PLSCR4: variants seen among roughly 807,000 people sequenced by gnomAD.
The protein encoded by PLSCR4 is Ca(2+)-dependent phospholipid scramblase 4.
A neutral mutation model predicts 36.3 loss-of-function variants in PLSCR4; 25 were observed. The observed-to-expected ratio is 0.69, with a 90% CI of 0.50 to 0.96. The LOEUF (loss-of-function observed/expected upper bound fraction) is 0.96. Ranked by LOEUF, PLSCR4 falls within the 40% of genes least tolerant of loss-of-function variation. PLSCR4 has a pLI of 0.00. For synonymous variants in PLSCR4, 122 were observed against 132.9 expected, an observed-to-expected ratio of 0.92 and a Z score of 0.56; for missense variants, 408 against 414.7, an observed-to-expected ratio of 0.98 and a Z score of 0.14.
rs9815240 is a variant in PLSCR4, at chr3:146,194,390, T to G, written c.*21A>C. On this transcript the variant is annotated 3_prime_UTR_variant, in exon 9 of 9. Transcript: ENST00000354952. ...TTCCATTTTTCAAAATTAACCATAG[T>G]TGATGGCTTGCTGTGTCTCTCTATC... is the stretch of plus-strand genomic sequence containing the variant. The G allele has an allele frequency of 0.13, 206,936 of 1,575,240 alleles. 14,774 individuals are homozygous for G. The highest frequency in any genetic ancestry group is 0.25 in the African/African-American group (18,256 of 74,010).
chr3:146,222,829 T>C (rs1481037762), intron 1 of PLSCR4, among the ~76,000 whole-genome samples: 2 of 152,106 alleles, frequency 1.3e-5, no homozygotes, highest in Non-Finnish European at 2.9e-5. Flanking sequence ...CAGTGAGGGA[T>C]GGCAGCAGCA....
At chr3:146,223,220 G>C (rs776142889) in intron 1 of PLSCR4, among the ~76,000 whole-genome samples, 3 of 152,098 alleles carry the variant, frequency 2.0e-5, no homozygotes, top group Non-Finnish European at 4.4e-5. Flanking sequence ...CAAGGAATGA[G>C]GGTGAAGGTA....
intron 4 of PLSCR4, among the ~76,000 whole-genome samples, chr3:146,205,432 G>T (rs1469486463): frequency 1.3e-5 from 2 of 151,946 alleles, no homozygotes; most frequent in Non-Finnish European, 2.9e-5. Flanking sequence ...ACCTTTACAT[G>T]GAAAGGAAGA....
At chr3:146,228,130 CAT>C (rs1215795443) in intron 1 of PLSCR4, among the ~76,000 whole-genome samples, 1 of 152,118 alleles carries the variant, frequency 6.6e-6, no homozygotes, top group Non-Finnish European at 1.5e-5. Flanking sequence ...GGATCAACCT[CAT>C]AGAAATACTG....
chr3:146,198,962 A>G (rs73865352), intron 6 of PLSCR4, among the ~76,000 whole-genome samples: 7,810 of 152,234 alleles, frequency 0.051, 613 homozygotes, highest in African/African-American at 0.17. Flanking sequence ...ACTGTGCAGA[A>G]GAATTGACTT....
chr3:146,207,387 C>T (rs1576457718), intron 3 of PLSCR4, among the ~76,000 whole-genome samples: 1 of 152,068 alleles, frequency 6.6e-6, no homozygotes. Flanking sequence ...ACAAAATAAG[C>T]ACAAACTGAG....
chr3:146,221,964 TAAAC>T, intron 2 of PLSCR4, 97 bp downstream of exon 2: 2 of 552,610 alleles, frequency 3.6e-6, no homozygotes, highest in Non-Finnish European at 3.1e-6. Flanking sequence ...TGCCAAATGT[TAAAC>T]AAAAAAAAAT....
intron 4 of PLSCR4, among the ~76,000 whole-genome samples, chr3:146,201,451 T>G (rs912904939): frequency 3.9e-5 from 6 of 152,110 alleles, no homozygotes; most frequent in Admixed American, 1.3e-4. Flanking sequence ...AGCCTGTAGT[T>G]GTTTAGTTAA....
At chr3:146,207,172 G>C (rs1034494303) in intron 3 of PLSCR4, among the ~76,000 whole-genome samples, 4 of 151,966 alleles carry the variant, frequency 2.6e-5, no homozygotes, top group Non-Finnish European at 5.9e-5. Context: ...GCAAATTTTT[G>C]TTATTATGTC....
intron 1 of PLSCR4, among the ~76,000 whole-genome samples, chr3:146,247,297 T>C (rs566798890): frequency 6.6e-6 from 1 of 152,260 alleles, no homozygotes; most frequent in East Asian, 1.9e-4. Flanking sequence ...ACTATCAAAC[T>C]GCACTCTAAA....
intron 1 of PLSCR4, among the ~76,000 whole-genome samples, chr3:146,245,431 T>C (rs1291985811): frequency 6.6e-6 from 1 of 152,024 alleles, no homozygotes; most frequent in African/African-American, 2.4e-5. Flanking sequence ...AAATCCAAAA[T>C]ATGCCATATA....
chr3:146,212,382 A>G (rs1169071467), intron 3 of PLSCR4, among the ~76,000 whole-genome samples: 1 of 148,692 alleles, frequency 6.7e-6, no homozygotes, highest in Non-Finnish European at 1.5e-5. Flanking sequence ...ATCCTAACAC[A>G]CTGCTGAACT....
At position 146,243,048 on chromosome 3, in the gene PLSCR4, T is replaced by C. The variant is rs559144461; in HGVS notation, c.-22+7912A>G. 1.8e-4 allele frequency among the ~76,000 whole-genome samples: 28 copies of C among 152,282 alleles called. 1 individual carries two copies. In the South Asian group the frequency reaches 5.8e-3, roughly 32 times the overall value. On this transcript the variant is annotated intron_variant, in intron 1 of 8. Transcript: ENST00000354952. ...TCTCTCAGGGAGGAAAAACAAATTC[T>C]GTGGTGGGGGTTTCAAATCAAACCT...
intron 1 of PLSCR4, among the ~76,000 whole-genome samples, chr3:146,239,564 C>T (rs935676399): frequency 1.4e-5 from 2 of 144,162 alleles, no homozygotes; most frequent in African/African-American, 2.6e-5. Context: ...ATACCCAATA[C>T]AAATAATTAA....
At position 146,194,506 on chromosome 3, in the gene PLSCR4, T is replaced by G. The variant is rs1351515716; in HGVS notation, c.946-51A>C. The G allele has an allele frequency of 8.2e-6, 9 of 1,093,046 alleles. No individual in the cohort carries two copies. The East Asian group carries it at 1.6e-4, about 20-fold the overall frequency. The allele number at this position is 1,093,046 out of a possible 1,614,324, so 67.7% of individuals were successfully genotyped here. A position where few individuals can be genotyped will look rare whatever the true frequency, so the allele number is the denominator to read the frequency against. ...TAGATATATAGATAATTAGGTATAA[T>G]GCATGCGGTATTATCCTTTGTAATT... On this transcript the variant is annotated intron_variant, in intron 8 of 8. Coordinates refer to ENST00000354952, the MANE Select transcript of PLSCR4 (RefSeq NM_020353.3).
At chr3:146,232,772 CAT>C (rs1243102587) in intron 1 of PLSCR4, among the ~76,000 whole-genome samples, 1 of 152,122 alleles carries the variant, frequency 6.6e-6, no homozygotes, top group Non-Finnish European at 1.5e-5. Flanking sequence ...GGTACAGAAT[CAT>C]ATGATCTGTG....
chr3:146,230,316 G>T (rs1227861367), intron 1 of PLSCR4, among the ~76,000 whole-genome samples: 1 of 152,148 alleles, frequency 6.6e-6, no homozygotes, highest in Non-Finnish European at 1.5e-5. Context: ...GTATAAAAAT[G>T]TGACTATACC....
chr3:146,223,198 C>T (rs73150841), intron 1 of PLSCR4, among the ~76,000 whole-genome samples: 4,800 of 151,808 alleles, frequency 0.032, 100 homozygotes, highest in Non-Finnish European at 0.05. Flanking sequence ...GAAGTTGAGA[C>T]GAGATTTGAA....
intron 3 of PLSCR4, among the ~76,000 whole-genome samples, chr3:146,216,700 C>T (rs1357353120): frequency 1.3e-5 from 2 of 151,732 alleles, no homozygotes; most frequent in African/African-American, 4.8e-5. Flanking sequence ...ATACATCATG[C>T]TAATACTCCC....
Sources: allele counts gnomAD v4.1 joint callset (sites outside exome capture counted in the v4.1 genomes callset), GRCh38; gene constraint gnomAD v4.1.1; transcripts MANE v1.5; gene names NCBI Gene and HGNC (gene_info 2026-07-23, HGNC 2026-07-21).